PDE8A: variants seen among roughly 807,000 people sequenced by gnomAD.
PDE8A encodes phosphodiesterase 8A.
PDE8A carries 59 observed loss-of-function variants against 105.0 expected under a neutral mutation model. The observed-to-expected ratio is 0.56, with a 90% CI of 0.46 to 0.70. PDE8A has a LOEUF of 0.70. PDE8A is among the 30% of genes least tolerant of loss of function. PDE8A has a pLI of 0.00. For synonymous variants in PDE8A, 355 were observed against 371.9 expected (o/e 0.95, Z 0.52); for missense variants, 1,014 against 1,045.9 (o/e 0.97, Z 0.42).
intron 1 of PDE8A, among the ~76,000 whole-genome samples, chr15:85,022,631 C>T (rs1274156141): frequency 5.3e-5 from 8 of 151,596 alleles, no homozygotes; most frequent in African/African-American, 1.9e-4. Flanking sequence ...TCACTGCAAC[C>T]TCTGCCTCCC....
intron 20 of PDE8A, among the ~76,000 whole-genome samples, chr15:85,131,515 A>T (rs1045082990): frequency 1.3e-4 from 20 of 152,242 alleles, no homozygotes; most frequent in African/African-American, 4.6e-4. Context: ...CATTAATTGC[A>T]TACATGAACT....
chr15:85,126,475 A>G lies in PDE8A; in HGVS notation c.2253+101A>G, dbSNP rs150304464. ...TAACACTAGGAAATAGGGTTCTAAAAAAATTCTGTCCTTGTTTTGCAAGGT... is the reference window on the plus strand; with the variant it reads ...TAACACTAGGAAATAGGGTTCTAAAGAAATTCTGTCCTTGTTTTGCAAGGT... On this transcript the variant is annotated intron_variant, in intron 20 of 21. Transcript: ENST00000394553. 8 of 910,096 alleles carry G rather than the reference A, an allele frequency of 8.8e-6. No individual in the cohort carries two copies. The African/African-American group carries it at 1.4e-4, about 16-fold the overall frequency. The allele number at this position is 910,096 out of a possible 1,614,324, so 56.4% of individuals were successfully genotyped here. A position where few individuals can be genotyped will look rare whatever the true frequency, so the allele number is the denominator to read the frequency against.
intron 1 of PDE8A, among the ~76,000 whole-genome samples, chr15:84,987,465 CTTTTTTTTTT>C (rs10656480): frequency 2.2e-5 from 2 of 92,468 alleles, no homozygotes; most frequent in Admixed American, 1.3e-4. Flanking sequence ...GGATTGGTTC[CTTTTTTTTTT>C]TTTTTTTTTT....
At chr15:85,039,712 T>C (rs930068551) in intron 1 of PDE8A, among the ~76,000 whole-genome samples, 1 of 152,224 alleles carries the variant, frequency 6.6e-6, no homozygotes, top group African/African-American at 2.4e-5. Flanking sequence ...ACAATCGATG[T>C]GCTGATCCAC....
intron 1 of PDE8A, among the ~76,000 whole-genome samples, chr15:84,989,111 C>T (rs758700587): frequency 2.6e-5 from 4 of 152,218 alleles, no homozygotes; most frequent in Non-Finnish European, 5.9e-5. Flanking sequence ...GAGTCCCCTC[C>T]TTCTGTTCTA....
At chr15:84,991,395 A>C (rs925585491) in intron 1 of PDE8A, among the ~76,000 whole-genome samples, 11 of 152,260 alleles carry the variant, frequency 7.2e-5, no homozygotes, top group African/African-American at 2.7e-4. Context: ...TTTCAACCTC[A>C]TTGGGGAAAT....
chr15:85,110,130 A>G (rs1033951682), intron 12 of PDE8A, among the ~76,000 whole-genome samples: 2 of 152,068 alleles, frequency 1.3e-5, no homozygotes, highest in African/African-American at 4.8e-5. Flanking sequence ...GGACTCAGTT[A>G]GTGTTAGCTG....
chr15:85,131,200 G>A (rs1315881414), intron 20 of PDE8A, among the ~76,000 whole-genome samples: 1 of 152,138 alleles, frequency 6.6e-6, no homozygotes, highest in Non-Finnish European at 1.5e-5. Flanking sequence ...TGATTTTCTT[G>A]TAGATAGAAT....
intron 17 of PDE8A, 66 bp downstream of exon 17, chr15:85,117,905 C>T (rs1224815955): frequency 2.4e-6 from 3 of 1,262,694 alleles, no homozygotes; most frequent in African/African-American, 2.9e-5. Flanking sequence ...GTGCTTCTGC[C>T]TCCACTAAGA....
chr15:85,123,780 A>C (rs1022862389), intron 19 of PDE8A, among the ~76,000 whole-genome samples: 2 of 152,164 alleles, frequency 1.3e-5, no homozygotes, highest in East Asian at 3.8e-4. Context: ...GGGCTCACTG[A>C]ATTTAGTTTT....
At chr15:85,017,572 T>C (rs905689042) in intron 1 of PDE8A, among the ~76,000 whole-genome samples, 1 of 152,114 alleles carries the variant, frequency 6.6e-6, no homozygotes, top group Non-Finnish European at 1.5e-5. Flanking sequence ...CATTAATATT[T>C]AGCAGACTTT....
intron 1 of PDE8A, among the ~76,000 whole-genome samples, chr15:85,032,569 T>A (rs1346360256): frequency 4.6e-5 from 7 of 152,206 alleles, no homozygotes; most frequent in Non-Finnish European, 7.3e-5. Flanking sequence ...GAAAATTTGA[T>A]CTTTAAGGGG....
At chr15:85,137,758 G>A (rs756323330) in intron 21 of PDE8A, 39 bp from the exon 22 acceptor site, 3 of 1,243,702 alleles carry the variant, frequency 2.4e-6, no homozygotes, top group South Asian at 2.4e-5. Flanking sequence ...TGTAAACAGA[G>A]GCTGTGAAAG....
chr15:85,029,607 T>TTTGGACAGGA, intron 1 of PDE8A, among the ~76,000 whole-genome samples: 1 of 152,080 alleles, frequency 6.6e-6, no homozygotes, highest in African/African-American at 2.4e-5. Context: ...TGTATATATG[T>TTTGGACAGGA]GGCGCTGAGT....
chr15:85,127,025 G>C (rs1327522161), intron 20 of PDE8A, among the ~76,000 whole-genome samples: 1 of 152,072 alleles, frequency 6.6e-6, no homozygotes, highest in Non-Finnish European at 1.5e-5. Flanking sequence ...GTGAGACCTT[G>C]TCTCTACAAA....
chr15:85,023,022 G>A (rs985612276), intron 1 of PDE8A, among the ~76,000 whole-genome samples: 3 of 152,188 alleles, frequency 2.0e-5, no homozygotes, highest in African/African-American at 7.2e-5. Context: ...AGGTAATGGG[G>A]TTAGCTCTTG....
chr15:85,038,209 A>T (rs527850857), intron 1 of PDE8A, among the ~76,000 whole-genome samples: 3 of 119,350 alleles, frequency 2.5e-5, no homozygotes, highest in Non-Finnish European at 5.0e-5. Flanking sequence ...GCTCTCTCCA[A>T]TTGGGGGGTG....
intron 7 of PDE8A, 115 bp downstream of exon 7, chr15:85,089,531 G>A (rs1443413924): frequency 3.6e-6 from 2 of 554,416 alleles, no homozygotes; most frequent in Admixed American, 3.4e-5. Context: ...TAGGAGACCA[G>A]TTTTTCCTTC....
chr15:85,096,039 C>A (rs1005756385), intron 8 of PDE8A, among the ~76,000 whole-genome samples: 3 of 151,820 alleles, frequency 2.0e-5, no homozygotes, highest in African/African-American at 7.3e-5. Flanking sequence ...CTACACCCAG[C>A]TAATTTTTTG....
Sources: allele counts gnomAD v4.1 joint callset (sites outside exome capture counted in the v4.1 genomes callset), GRCh38; gene constraint gnomAD v4.1.1; transcripts MANE v1.5; gene names NCBI Gene and HGNC (gene_info 2026-07-23, HGNC 2026-07-21).